Variants in C8orf34 observed in about 807,000 individuals in gnomAD.
The protein encoded by C8orf34 is uncharacterized protein C8orf34.
Under a neutral mutation model 68.3 loss-of-function variants are expected in C8orf34, and 65 were observed. That is an observed-to-expected ratio of 0.95 (90% CI 0.78 to 1.17). C8orf34 has a LOEUF of 1.17. Ranked by LOEUF, C8orf34 falls within the 50% of genes most tolerant of loss-of-function variation. The pLI, the probability that C8orf34 is intolerant of heterozygous loss-of-function variation, is 0.00. For synonymous variants in C8orf34, 244 were observed against 241.2 expected (o/e 1.01, Z -0.11); for missense variants, 664 against 655.4 (o/e 1.01, Z -0.14).
At chr8:68,375,899 T>C (rs1228360769) in intron 1 of C8orf34, among the ~76,000 whole-genome samples, 2 of 152,150 alleles carry the variant, frequency 1.3e-5, no homozygotes, top group Non-Finnish European at 2.9e-5. Context: ...GACTCAGGCA[T>C]GTATATAGGT....
In C8orf34 at chr8:68,439,584, G is replaced by A. The variant is rs759635250; in HGVS notation, c.413G>A (p.Arg138His). ...IDHLQSKQGNRGQLQRTLSGS... is the reference protein window; with the variant it reads ...IDHLQSKQGNHGQLQRTLSGS... ...CATCTTCAGTCTAAACAAGGGAACC[G>A]TGGACAACTTCAAAGAACTTTGTCT... is the stretch of plus-strand genomic sequence containing the variant. Residue 138 changes from arginine (R) to histidine (H), a missense_variant, in exon 2 of 14, where the codon CGT (arginine) becomes CAT (histidine). By Grantham distance (29) the Arg-to-His change is conservative. Transcript: ENST00000518698. The A allele has an allele frequency of 2.4e-5, 38 of 1,613,408 alleles. No individual in the cohort carries two copies. The East Asian group carries it at 3.1e-4, about 13-fold the overall frequency.
intron 7 of C8orf34, among the ~76,000 whole-genome samples, chr8:68,584,246 A>T (rs558324453): frequency 6.6e-6 from 1 of 152,242 alleles, no homozygotes. Flanking sequence ...TTTTGCCCCC[A>T]AACTCAACTG....
chr8:68,528,191 A>G (rs1327962547), intron 6 of C8orf34, among the ~76,000 whole-genome samples: 2 of 151,892 alleles, frequency 1.3e-5, no homozygotes, highest in African/African-American at 4.8e-5. Flanking sequence ...CTGGCCTCTC[A>G]CTTTCTTTAC....
At chr8:68,733,113 A>G (rs1367239006) in intron 10 of C8orf34, among the ~76,000 whole-genome samples, 1 of 151,682 alleles carries the variant, frequency 6.6e-6, no homozygotes, top group Non-Finnish European at 1.5e-5. Context: ...TTGATAATTC[A>G]TCCCTTCTTT....
Position 68,462,141 on chromosome 8 carries a change from C to G in C8orf34, c.608-6551C>G, listed in dbSNP as rs539339149. Among the ~76,000 whole-genome samples the G allele has an allele frequency of 2.1e-3, 319 of 152,058 alleles. 1 individual carries two copies. Among genetic ancestry groups the G allele is most frequent in the African/African-American group, 6.9e-3 (288 of 41,466 alleles). ...ACAAAAAAAGGCAGGGGTTGCAATCCTGGTCTCTGATAAAACAGACTTTAA... is the reference window on the plus strand; with the variant it reads ...ACAAAAAAAGGCAGGGGTTGCAATCGTGGTCTCTGATAAAACAGACTTTAA... On this transcript the variant is annotated intron_variant, in intron 3 of 13. Transcript: ENST00000518698.
intron 10 of C8orf34, among the ~76,000 whole-genome samples, chr8:68,751,951 A>C (rs1822720864): frequency 6.6e-6 from 1 of 152,036 alleles, no homozygotes; most frequent in East Asian, 1.9e-4. Flanking sequence ...CCCACAGTGC[A>C]TGAACTTTCT....
At chr8:68,738,953 T>C (rs534460188) in intron 10 of C8orf34, among the ~76,000 whole-genome samples, 4 of 152,194 alleles carry the variant, frequency 2.6e-5, no homozygotes, top group African/African-American at 7.2e-5. Context: ...ATCATCCTCA[T>C]AGCAAAACCT....
intron 8 of C8orf34, among the ~76,000 whole-genome samples, chr8:68,653,993 T>C (rs1371324418): frequency 1.3e-5 from 2 of 152,222 alleles, no homozygotes; most frequent in Non-Finnish European, 2.9e-5. Flanking sequence ...AATACATATT[T>C]ATATGACAAG....
At chr8:68,412,947 G>A (rs1203510542) in intron 1 of C8orf34, among the ~76,000 whole-genome samples, 3 of 152,162 alleles carry the variant, frequency 2.0e-5, no homozygotes, top group Admixed American at 6.6e-5. Flanking sequence ...TCAGTGACCA[G>A]TCATTATAAT....
intron 9 of C8orf34, among the ~76,000 whole-genome samples, chr8:68,717,513 AAC>A (rs1334120590): frequency 6.6e-6 from 1 of 152,010 alleles, no homozygotes; most frequent in African/African-American, 2.4e-5. Flanking sequence ...AAAAATGACA[AAC>A]ACAAAATATT....
At chr8:68,770,705 A>G (rs951785208) in intron 10 of C8orf34, among the ~76,000 whole-genome samples, 9 of 152,156 alleles carry the variant, frequency 5.9e-5, no homozygotes, top group African/African-American at 2.2e-4. Context: ...TTTTCAGCTA[A>G]TAGTCACTTT....
rs79083464 is a variant in C8orf34, at chr8:68,417,303, C to T, written c.328-22196C>T. ...TTTACTTTTAAGTCTCCAGGGAACTCATTCTACAAATATATTGGCACATAT... is the reference window on the plus strand; with the variant it reads ...TTTACTTTTAAGTCTCCAGGGAACTTATTCTACAAATATATTGGCACATAT... On this transcript the variant is annotated intron_variant, in intron 1 of 13. Transcript: ENST00000518698. Among the ~76,000 whole-genome samples the T allele has an allele frequency of 8.0e-3, 1,215 of 152,150 alleles. 40 individuals carry two copies. The East Asian group carries it at 0.11, about 13-fold the overall frequency.
intron 7 of C8orf34, among the ~76,000 whole-genome samples, chr8:68,573,601 C>T (rs1056475858): frequency 2.6e-5 from 4 of 152,076 alleles, no homozygotes; most frequent in Non-Finnish European, 4.4e-5. Context: ...TTAAAAGTGG[C>T]GTCCAGGAAA....
intron 10 of C8orf34, among the ~76,000 whole-genome samples, chr8:68,775,375 G>A (rs1585864548): frequency 6.6e-6 from 1 of 152,036 alleles, no homozygotes; most frequent in Admixed American, 6.6e-5. Context: ...AATGTCTCTC[G>A]TCATGGAGTA....
chr8:68,722,563 A>T (rs1821706350), intron 10 of C8orf34, among the ~76,000 whole-genome samples: 1 of 152,072 alleles, frequency 6.6e-6, no homozygotes, highest in South Asian at 2.1e-4. Context: ...CGTTGCTCAG[A>T]TGTTATTTTC....
intron 7 of C8orf34, among the ~76,000 whole-genome samples, chr8:68,595,588 A>C (rs1441441262): frequency 6.6e-6 from 1 of 151,984 alleles, no homozygotes; most frequent in Admixed American, 6.6e-5. Flanking sequence ...CATTCTTTAG[A>C]TATTCCCCTG....
At position 68,334,388 on chromosome 8, in the gene C8orf34, G is replaced by A. The variant is rs1805757313; in HGVS notation, c.327+3049G>A. 4.6e-5 allele frequency among the ~76,000 whole-genome samples: 7 copies of A among 151,340 alleles called. No individual in the cohort carries two copies. In the South Asian group the frequency reaches 1.5e-3, roughly 32 times the overall value. ...ACATTTCACAAACTTTCTAATTTTT[G>A]TAAGATGTAATGGTTTACATCTTAC... On this transcript the variant is annotated intron_variant, in intron 1 of 13. Transcript: ENST00000518698.
At chr8:68,413,933 T>C (rs1233049309) in intron 1 of C8orf34, among the ~76,000 whole-genome samples, 1 of 152,218 alleles carries the variant, frequency 6.6e-6, no homozygotes, top group Non-Finnish European at 1.5e-5. Context: ...TCTGCAAGGT[T>C]AGACATCCTC....
intron 7 of C8orf34, among the ~76,000 whole-genome samples, chr8:68,614,735 T>C (rs2130587641): frequency 6.6e-6 from 1 of 152,342 alleles, no homozygotes; most frequent in African/African-American, 2.4e-5. Flanking sequence ...TGCCTCCAGC[T>C]TTGTTCTTTT....
Sources: gnomAD v4.1 joint callset for allele counts (sites outside exome capture counted in the v4.1 genomes callset) on GRCh38, gnomAD v4.1.1 for gene constraint, MANE v1.5 for transcripts, NCBI Gene and HGNC (gene_info 2026-07-23, HGNC 2026-07-21) for gene names.